Variants in UBE2E2 observed in about 807,000 individuals in gnomAD.
UBE2E2 encodes ubiquitin conjugating enzyme E2 E2.
A neutral mutation model predicts 24.7 loss-of-function variants in UBE2E2; 6 were observed. That is an observed-to-expected ratio of 0.24 (90% confidence interval 0.13 to 0.48). The LOEUF (loss-of-function observed/expected upper bound fraction) is 0.48, where lower values mean the gene tolerates loss of function less well. Among genes scored for constraint, UBE2E2 ranks in the 20% least tolerant of loss-of-function variants. The pLI is 0.99. For missense variants in UBE2E2, 169 were observed against 245.0 expected (o/e 0.69, Z 2.07); for synonymous variants, 104 against 83.6 (o/e 1.24, Z -1.33).
At chr3:23,409,744 G>A (rs189251654) in intron 3 of UBE2E2, among the ~76,000 whole-genome samples, 2 of 152,222 alleles carry the variant, frequency 1.3e-5, no homozygotes, top group East Asian at 3.9e-4. Context: ...TATCAACAGG[G>A]CCATCAATGG....
chr3:23,461,595 G>A (rs1396256359), intron 3 of UBE2E2, among the ~76,000 whole-genome samples: 1 of 151,748 alleles, frequency 6.6e-6, no homozygotes, highest in East Asian at 1.9e-4. Context: ...TTTACCATTA[G>A]TATGATTTCC....
At chr3:23,572,291 A>ACAAAAAC (rs1696247406) in intron 5 of UBE2E2, among the ~76,000 whole-genome samples, 1 of 152,210 alleles carries the variant, frequency 6.6e-6, no homozygotes. Flanking sequence ...CTTCCAAACT[A>ACAAAAAC]CAAAAACCCA....
intron 3 of UBE2E2, among the ~76,000 whole-genome samples, chr3:23,297,231 T>C (rs1284450630): frequency 2.6e-5 from 4 of 152,094 alleles, no homozygotes; most frequent in African/African-American, 9.7e-5. Context: ...ATGAGTAGGT[T>C]GCAAAAATTT....
chr3:23,237,685 T>C (rs1010645147), intron 3 of UBE2E2, among the ~76,000 whole-genome samples: 1 of 152,174 alleles, frequency 6.6e-6, no homozygotes, highest in African/African-American at 2.4e-5. Context: ...TTACATTAAT[T>C]ATACTTAGTA....
chr3:23,373,847 A>G (rs1160413304), intron 3 of UBE2E2, among the ~76,000 whole-genome samples: 2 of 152,330 alleles, frequency 1.3e-5, no homozygotes, highest in East Asian at 3.9e-4. Flanking sequence ...TGGACTTCTC[A>G]GTCCATGGGA....
chr3:23,204,585 G>T, intron 1 of UBE2E2: 1 of 623,398 alleles, frequency 1.6e-6, no homozygotes, highest in Non-Finnish European at 2.0e-6. Context: ...CTTTACTACG[G>T]CAATTTGGAT....
chr3:23,421,921 A>G (rs746016412), intron 3 of UBE2E2, among the ~76,000 whole-genome samples: 15 of 152,268 alleles, frequency 9.9e-5, no homozygotes, highest in Non-Finnish European at 2.2e-4. Context: ...CACCATGTTT[A>G]GCTTTCCCAA....
At chr3:23,448,348 C>T (rs1404058613) in intron 3 of UBE2E2, among the ~76,000 whole-genome samples, 2 of 152,026 alleles carry the variant, frequency 1.3e-5, no homozygotes, top group Non-Finnish European at 2.9e-5. Flanking sequence ...TTTGTTTGAC[C>T]ATATACTCTG....
chr3:23,311,845 A>C (rs1447141697), intron 3 of UBE2E2, among the ~76,000 whole-genome samples: 1 of 152,166 alleles, frequency 6.6e-6, no homozygotes. Flanking sequence ...CCATCCCCTC[A>C]AGCATTTATC....
At chr3:23,276,765 T>A (rs914228212) in intron 3 of UBE2E2, among the ~76,000 whole-genome samples, 9 of 152,244 alleles carry the variant, frequency 5.9e-5, no homozygotes, top group Admixed American at 3.9e-4. Flanking sequence ...TACTATTTTA[T>A]ATTGTGAGCA....
At chr3:23,432,634 A>G (rs1183888076) in intron 3 of UBE2E2, among the ~76,000 whole-genome samples, 2 of 151,946 alleles carry the variant, frequency 1.3e-5, no homozygotes, top group African/African-American at 2.4e-5. Flanking sequence ...AAGGATGCTT[A>G]CTATTACTCT....
chr3:23,305,219 T>G (rs1699207226), intron 3 of UBE2E2, among the ~76,000 whole-genome samples: 2 of 152,234 alleles, frequency 1.3e-5, no homozygotes, highest in African/African-American at 4.8e-5. Context: ...AAGCATAGTT[T>G]GTCCATCATT....
intron 3 of UBE2E2, among the ~76,000 whole-genome samples, chr3:23,395,735 A>T (rs1459430620): frequency 6.6e-6 from 1 of 152,176 alleles, no homozygotes; most frequent in East Asian, 1.9e-4. Context: ...TTTATTCTGA[A>T]CTGCAAAACT....
chr3:23,300,778 C>T (rs963063195), intron 3 of UBE2E2, among the ~76,000 whole-genome samples: 1 of 152,012 alleles, frequency 6.6e-6, no homozygotes. Flanking sequence ...TTGCTCTTCT[C>T]GAGAAGTATC....
At chr3:23,283,349 T>C (rs762803711) in intron 3 of UBE2E2, among the ~76,000 whole-genome samples, 6 of 152,144 alleles carry the variant, frequency 3.9e-5, no homozygotes, top group Non-Finnish European at 8.8e-5. Flanking sequence ...CACTTACATA[T>C]TACTCTAAAA....
chr3:23,504,912 C>CTTTTTTTTTTTT (rs150970405), intron 4 of UBE2E2, among the ~76,000 whole-genome samples: 14 of 95,066 alleles, frequency 1.5e-4, no homozygotes, highest in Non-Finnish European at 2.2e-4. Context: ...GACATTCTTT[C>CTTTTTTTTTTTT]TTTTTTTTTT....
intron 3 of UBE2E2, among the ~76,000 whole-genome samples, chr3:23,257,512 G>GT (rs1697762836): frequency 3.2e-5 from 1 of 31,146 alleles, no homozygotes; most frequent in African/African-American, 1.0e-4. Context: ...TGTTTCCCGT[G>GT]CCCCCCCCCC....
chr3:23,245,125 T>C (rs1697361282), intron 3 of UBE2E2, among the ~76,000 whole-genome samples: 1 of 152,010 alleles, frequency 6.6e-6, no homozygotes, highest in Admixed American at 6.6e-5. Context: ...ACTGTGGAGA[T>C]ACAAAAAAGA....
chr3:23,500,628 G>A (rs1699700971), intron 4 of UBE2E2, among the ~76,000 whole-genome samples: 1 of 152,148 alleles, frequency 6.6e-6, no homozygotes, highest in African/African-American at 2.4e-5. Context: ...TTGTATTGTG[G>A]GTTGGAGTAA....
Sources: allele counts gnomAD v4.1 joint callset (sites outside exome capture counted in the v4.1 genomes callset), GRCh38; gene constraint gnomAD v4.1.1; transcripts MANE v1.5; gene names NCBI Gene and HGNC (gene_info 2026-07-23, HGNC 2026-07-21).